CALN1: variants seen among roughly 807,000 people sequenced by gnomAD.
The protein encoded by CALN1 is calcium-binding protein 8.
In CALN1, 17 loss-of-function variants were observed where a neutral mutation model predicts 30.6. The ratio of observed to expected loss-of-function variants is 0.56; its 90% CI spans 0.38 to 0.83. The LOEUF (loss-of-function observed/expected upper bound fraction) is 0.83. CALN1 is among the 40% of genes least tolerant of loss of function. CALN1 has a pLI of 0.00. For synonymous variants in CALN1, 156 were observed against 131.4 expected (o/e 1.19, Z -1.28); for missense variants, 291 against 354.9 (o/e 0.82, Z 1.45).
intron 5 of CALN1, among the ~76,000 whole-genome samples, chr7:71,945,933 A>G (rs1796383519): frequency 6.6e-6 from 1 of 152,238 alleles, no homozygotes; most frequent in African/African-American, 2.4e-5. Context: ...AAGGTTGGGG[A>G]CCGCTGCTCC....
rs1792854017 is a variant in CALN1, at chr7:71,783,972, T to C, written c.*3803A>G. 1 of 152,214 alleles carries C rather than the reference T, an allele frequency of 6.6e-6. No individual in the cohort carries two copies. Among genetic ancestry groups the C allele is most frequent in the Admixed American group, 6.5e-5 (1 of 15,284 alleles). 9.4% of individuals were successfully genotyped at this position (152,214 alleles called of 1,614,324 possible). ...AACACCCAGACATTTCTGAAACCACTGGGTTTGCCTAAGACCACACCTAAA... is the reference window on the plus strand; with the variant it reads ...AACACCCAGACATTTCTGAAACCACCGGGTTTGCCTAAGACCACACCTAAA... On this transcript the variant is annotated 3_prime_UTR_variant, in exon 7 of 7. Transcript: ENST00000395275.
chr7:72,107,969 G>A (rs1286482917), intron 3 of CALN1, among the ~76,000 whole-genome samples: 9 of 152,138 alleles, frequency 5.9e-5, no homozygotes, highest in Non-Finnish European at 1.0e-4. Flanking sequence ...ATCTGACCAT[G>A]CCCTGGCATG....
chr7:72,100,935 C>T (rs1455047284), intron 4 of CALN1, among the ~76,000 whole-genome samples: 2 of 151,470 alleles, frequency 1.3e-5, no homozygotes, highest in Non-Finnish European at 1.5e-5. Context: ...ATTCCATTCA[C>T]ATTTAGTCCA....
chr7:72,191,602 A>G (rs1162481788), intron 3 of CALN1, among the ~76,000 whole-genome samples: 2 of 148,762 alleles, frequency 1.3e-5, no homozygotes, highest in African/African-American at 5.0e-5. Context: ...AGAAAGGAGG[A>G]AGAGAGTGCA....
chr7:72,270,342 T>C (rs956349443), intron 3 of CALN1, among the ~76,000 whole-genome samples: 5 of 152,050 alleles, frequency 3.3e-5, no homozygotes, highest in African/African-American at 9.7e-5. Flanking sequence ...AAATAAATTC[T>C]AAATAAATGA....
rs116290180 is a variant in CALN1, at chr7:71,952,715, G to A, written c.501+70942C>T. 2.2e-3 allele frequency among the ~76,000 whole-genome samples: 337 copies of A among 152,090 alleles called. 1 individual carries two copies. The highest frequency in any genetic ancestry group is 7.6e-3 in the African/African-American group (316 of 41,472). On this transcript the variant is annotated intron_variant, in intron 5 of 6. Coordinates refer to ENST00000395275, the MANE Select transcript of CALN1 (RefSeq NM_031468.4). Reference sequence around the variant, plus strand: ...GCCATACGGACGCCCCAGGTGCCGGGCTGTTCCCTCTTGCACAATCTGCTG... The same window carrying A: ...GCCATACGGACGCCCCAGGTGCCGGACTGTTCCCTCTTGCACAATCTGCTG...
At chr7:72,437,710 T>C (rs1808211345) in intron 1 of CALN1, among the ~76,000 whole-genome samples, 2 of 92,144 alleles carry the variant, frequency 2.2e-5, no homozygotes, top group South Asian at 4.2e-4. Context: ...TCTCTCTTTC[T>C]TTCCTTCCTT....
chr7:72,155,155 G>A (rs1585053208), intron 3 of CALN1, among the ~76,000 whole-genome samples: 1 of 152,284 alleles, frequency 6.6e-6, no homozygotes, highest in East Asian at 1.9e-4. Context: ...AAGGACATTT[G>A]AGGGCACAGT....
At chr7:72,461,475 A>T in the CALN1 span, among the ~76,000 whole-genome samples, 1 of 152,358 alleles carries the variant, frequency 6.6e-6, no homozygotes, top group South Asian at 2.1e-4. Flanking sequence ...CTACACAGCC[A>T]TAAAGAAGAA....
At chr7:72,290,219 T>G (rs189376172) in intron 2 of CALN1, among the ~76,000 whole-genome samples, 159 of 150,692 alleles carry the variant, frequency 1.1e-3, no homozygotes, top group Non-Finnish European at 1.8e-3. Flanking sequence ...CTCCAGCATG[T>G]CACTGGCTGT....
intron 1 of CALN1, among the ~76,000 whole-genome samples, chr7:72,446,530 G>T (rs1473742372): frequency 6.6e-6 from 1 of 152,064 alleles, no homozygotes; most frequent in East Asian, 1.9e-4. Flanking sequence ...CGGGGAGGGG[G>T]GACAGGTGTC....
intron 2 of CALN1, among the ~76,000 whole-genome samples, chr7:72,287,116 C>T (rs1307682356): frequency 6.6e-6 from 1 of 152,122 alleles, no homozygotes; most frequent in Non-Finnish European, 1.5e-5. Flanking sequence ...CCCATGTACC[C>T]ACCACCCAGA....
chr7:72,389,801 C>A (rs1805461212), intron 2 of CALN1, among the ~76,000 whole-genome samples: 1 of 152,042 alleles, frequency 6.6e-6, no homozygotes, highest in Non-Finnish European at 1.5e-5. Flanking sequence ...TGCCTGTAAT[C>A]CCAGCTACTC....
chr7:72,389,580 T>C (rs1192807246), intron 2 of CALN1, among the ~76,000 whole-genome samples: 1 of 152,204 alleles, frequency 6.6e-6, no homozygotes. Flanking sequence ...ACTGTTGTTA[T>C]CTTGCCCTGG....
At chr7:72,188,132 G>C (rs1002432781) in intron 3 of CALN1, among the ~76,000 whole-genome samples, 1 of 152,062 alleles carries the variant, frequency 6.6e-6, no homozygotes, top group Non-Finnish European at 1.5e-5. Flanking sequence ...ACATCTGCTC[G>C]GAGGAAAAGA....
intron 2 of CALN1, among the ~76,000 whole-genome samples, chr7:72,314,431 ATTTT>A (rs1167427203): frequency 1.4e-5 from 2 of 146,766 alleles, no homozygotes; most frequent in South Asian, 4.3e-4. Flanking sequence ...ACATACATAG[ATTTT>A]TTTTTTTTGA....
intron 5 of CALN1, among the ~76,000 whole-genome samples, chr7:71,879,496 G>A (rs776430291): frequency 6.6e-6 from 1 of 152,224 alleles, no homozygotes; most frequent in Non-Finnish European, 1.5e-5. Flanking sequence ...CCCTTCCAGA[G>A]GCTGAGAAAG....
intron 3 of CALN1, among the ~76,000 whole-genome samples, chr7:72,232,679 T>G (rs750406056): frequency 4.6e-5 from 7 of 152,210 alleles, no homozygotes; most frequent in Non-Finnish European, 7.3e-5. Flanking sequence ...AGGCTGGTCT[T>G]GAACTCCTGG....
intron 5 of CALN1, among the ~76,000 whole-genome samples, chr7:71,900,982 T>C (rs1793816068): frequency 6.6e-6 from 1 of 152,098 alleles, no homozygotes; most frequent in Admixed American, 6.5e-5. Flanking sequence ...AAGACTCACA[T>C]AAAAGGAGTT....
Sources: gnomAD v4.1 joint callset for allele counts (sites outside exome capture counted in the v4.1 genomes callset) on GRCh38, gnomAD v4.1.1 for gene constraint, MANE v1.5 for transcripts, NCBI Gene and HGNC (gene_info 2026-07-23, HGNC 2026-07-21) for gene names.